CCDC141: variants seen among roughly 807,000 people sequenced by gnomAD.
The protein encoded by CCDC141 is coiled-coil domain containing 141.
A neutral mutation model predicts 181.0 loss-of-function variants in CCDC141; 168 were observed. The observed-to-expected ratio is 0.93, with a 90% CI of 0.82 to 1.05. The LOEUF is 1.05. CCDC141 is among the 50% of genes least tolerant of loss of function. CCDC141 has a pLI of 0.00. For synonymous variants in CCDC141, 666 were observed against 642.3 expected, an observed-to-expected ratio of 1.04 and a Z score of -0.56; for missense variants, 1,902 against 1,788.5, an observed-to-expected ratio of 1.06 and a Z score of -1.14.
Position 179,032,988 on chromosome 2 carries a change from C to CAGAATATTATATATATATATAATAT in CCDC141, c.225+14271_225+14295dup, listed in dbSNP as rs568045916. ...CACATTTATACATTATTATATATCT[C>CAGAATATTATATATATATATAATAT]AGAATATTATATATATATATAATAT... is the stretch of plus-strand genomic sequence containing the variant. On this transcript the variant is annotated intron_variant, in intron 2 of 23. Coordinates refer to ENST00000443758, the MANE Select transcript of CCDC141 (RefSeq NM_173648.4). Among the ~76,000 whole-genome samples the CAGAATATTATATATATATATAATAT allele has an allele frequency of 9.0e-3, 1,325 of 146,672 alleles. 27 individuals are homozygous for CAGAATATTATATATATATATAATAT. The highest frequency in any genetic ancestry group is 0.031 in the African/African-American group (1,230 of 39,964).
intron 2 of CCDC141, among the ~76,000 whole-genome samples, chr2:179,024,814 G>C (rs548549960): frequency 6.6e-6 from 1 of 152,106 alleles, no homozygotes; most frequent in South Asian, 2.1e-4. Flanking sequence ...TCCATTGATG[G>C]CACTTTAATG....
the CCDC141 span, among the ~76,000 whole-genome samples, chr2:178,816,315 T>C: frequency 6.6e-6 from 1 of 152,204 alleles, no homozygotes; most frequent in East Asian, 1.9e-4. Context: ...CTTTTCAGAT[T>C]AACTTCTTTC....
At chr2:179,015,157 T>C (rs1356508377) in intron 2 of CCDC141, among the ~76,000 whole-genome samples, 19 of 122,804 alleles carry the variant, frequency 1.5e-4, no homozygotes, top group East Asian at 1.5e-3. Flanking sequence ...ATATATCTCA[T>C]ATACATCTCA....
intron 5 of CCDC141, among the ~76,000 whole-genome samples, chr2:178,953,398 C>G (rs980937325): frequency 3.3e-5 from 5 of 151,066 alleles, no homozygotes; most frequent in Non-Finnish European, 5.9e-5. Context: ...GATTGCACCA[C>G]TGCACTCCAG....
intron 12 of CCDC141, chr2:178,873,292 A>T (rs1238788389): frequency 8.5e-6 from 1 of 118,304 alleles, no homozygotes; most frequent in East Asian, 7.6e-4. Context: ...TAAAGTGGCA[A>T]CTCCAAAAAA....
At position 178,892,416 on chromosome 2, in the gene CCDC141, G is replaced by A. The variant is rs138608988; in HGVS notation, c.1266-3748C>T. On this transcript the variant is annotated intron_variant, in intron 8 of 23. Coordinates refer to ENST00000443758, the MANE Select transcript of CCDC141 (RefSeq NM_173648.4). ...CCTCTCTCTATGCCCTTATAACTAG[G>A]TCATCTCTGTCTGATTGGGCAGTAA... Among the ~76,000 whole-genome samples, 21 of 151,988 alleles carry A rather than the reference G, an allele frequency of 1.4e-4. No homozygotes were observed. In the East Asian group the frequency reaches 4.1e-3, roughly 29 times the overall value.
intron 8 of CCDC141, among the ~76,000 whole-genome samples, chr2:178,888,899 C>T (rs968421669): frequency 1.3e-5 from 2 of 152,098 alleles, no homozygotes; most frequent in African/African-American, 2.4e-5. Context: ...GCAACAAGGT[C>T]TAATCTTCTT....
At chr2:178,980,256 T>C (rs996710544) in intron 2 of CCDC141, among the ~76,000 whole-genome samples, 5 of 152,106 alleles carry the variant, frequency 3.3e-5, no homozygotes, top group African/African-American at 7.2e-5. Flanking sequence ...GAGACCATCC[T>C]GGCTAACACA....
chr2:178,896,037 G>A (rs190187155), intron 8 of CCDC141, among the ~76,000 whole-genome samples: 74 of 152,302 alleles, frequency 4.9e-4, no homozygotes, highest in Non-Finnish European at 7.8e-4. Flanking sequence ...ATGAGGACAT[G>A]ATACTGTCAC....
At chr2:179,006,414 T>A (rs2042124517) in intron 2 of CCDC141, among the ~76,000 whole-genome samples, 1 of 152,152 alleles carries the variant, frequency 6.6e-6, no homozygotes, top group Non-Finnish European at 1.5e-5. Flanking sequence ...ATGAAAGTGT[T>A]CAGAGAGTGG....
At chr2:178,918,627 T>C (rs1342263693) in intron 7 of CCDC141, 86 bp downstream of exon 7, 3 of 1,111,992 alleles carry the variant, frequency 2.7e-6, no homozygotes, top group East Asian at 2.6e-5. Context: ...TTTTGACTTC[T>C]GTGATGTGCT....
At chr2:178,909,597 C>T (rs1331773649) in intron 7 of CCDC141, among the ~76,000 whole-genome samples, 1 of 152,318 alleles carries the variant, frequency 6.6e-6, no homozygotes, top group East Asian at 1.9e-4. Context: ...CTCTTATTCC[C>T]ATGCAGAATT....
chr2:178,971,260 G>A (rs966564374), intron 4 of CCDC141, among the ~76,000 whole-genome samples: 1 of 152,130 alleles, frequency 6.6e-6, no homozygotes, highest in African/African-American at 2.4e-5. Context: ...AGTGGGCAAA[G>A]GATATGAACA....
chr2:178,969,280 C>G lies in CCDC141; in HGVS notation c.526+5777G>C, dbSNP rs149827930. Among the ~76,000 whole-genome samples the G allele has an allele frequency of 1.9e-3, 290 of 152,196 alleles. 4 individuals are homozygous for G. The East Asian group carries it at 0.04, about 21-fold the overall frequency. ...GGCCAGCATCATTCTGATACCAAAG[C>G]CTGGCAGAGACACAACAAAAAAGAA... On this transcript the variant is annotated intron_variant, in intron 4 of 23. Transcript: ENST00000443758.
rs76657151 is a variant in CCDC141, at chr2:178,853,577, T to G, written c.3108A>C (p.Gly1036=). Residue 1036 remains glycine, a synonymous_variant, in exon 20 of 24, where the codon GGA becomes GGC. Transcript: ENST00000443758. The part of the protein sequence containing the change: ...EDASATVVRV[G]KYSTECKTKE... The stretch of plus-strand genomic sequence containing the variant: ...TTGTCTTGCACTCTGTGGAATATTT[T>G]CCAACTCTTACAACTGTGGCACTTG... The G allele has an allele frequency of 1.2e-6, 2 of 1,614,096 alleles. No homozygotes were observed. The highest frequency in any genetic ancestry group is 1.7e-6 in the Non-Finnish European group (2 of 1,179,968).
chr2:178,958,663 G>A (rs181536419), intron 5 of CCDC141, among the ~76,000 whole-genome samples: 3 of 151,916 alleles, frequency 2.0e-5, no homozygotes, highest in Admixed American at 1.3e-4. Context: ...ATGTGGCTGG[G>A]TTAGAATGTT....
At chr2:178,905,186 A>C in intron 8 of CCDC141, 143 bp downstream of exon 8, 1 of 750,208 alleles carries the variant, frequency 1.3e-6, no homozygotes, top group Non-Finnish European at 2.1e-6. Flanking sequence ...CTGTTGATCA[A>C]ACTTCAATAG....
chr2:178,861,034 G>A (rs1007487450), intron 17 of CCDC141, among the ~76,000 whole-genome samples: 4 of 152,126 alleles, frequency 2.6e-5, no homozygotes, highest in South Asian at 2.1e-4. Flanking sequence ...AGAGCAAATT[G>A]TAATCTTTCT....
chr2:178,871,762 T>A (rs1281886697), intron 13 of CCDC141, among the ~76,000 whole-genome samples: 1 of 152,062 alleles, frequency 6.6e-6, no homozygotes, highest in Non-Finnish European at 1.5e-5. Context: ...AAAATACACA[T>A]AACAAAAGTT....
Sources: gnomAD v4.1 joint callset for allele counts (sites outside exome capture counted in the v4.1 genomes callset) on GRCh38, gnomAD v4.1.1 for gene constraint, MANE v1.5 for transcripts, NCBI Gene and HGNC (gene_info 2026-07-23, HGNC 2026-07-21) for gene names.